EPHA6: variants seen among roughly 807,000 people sequenced by gnomAD.
EPHA6 encodes EPH receptor A6.
A neutral mutation model predicts 112.0 loss-of-function variants in EPHA6; 50 were observed. The observed-to-expected ratio is 0.45, with a 90% CI of 0.36 to 0.56. The LOEUF (loss-of-function observed/expected upper bound fraction) is 0.56. EPHA6 is among the 20% of genes least tolerant of loss of function. The probability of loss-of-function intolerance (pLI) is 0.00; values close to 1 mark genes in which losing one functional copy is unlikely to be tolerated. For missense variants in EPHA6, 1,280 were observed against 1,417.4 expected (o/e 0.90, Z 1.56); for synonymous variants, 529 against 490.7 (o/e 1.08, Z -1.03).
At chr3:97,624,968 T>C (rs2093843622) in intron 13 of EPHA6, among the ~76,000 whole-genome samples, 1 of 151,604 alleles carries the variant, frequency 6.6e-6, no homozygotes, top group Admixed American at 6.6e-5. Flanking sequence ...TAAAAGTTTG[T>C]TGATTTTGTT....
chr3:97,500,820 A>G (rs1316135332), intron 10 of EPHA6, among the ~76,000 whole-genome samples: 1 of 152,184 alleles, frequency 6.6e-6, no homozygotes, highest in Admixed American at 6.5e-5. Flanking sequence ...AATCAGTTCA[A>G]TAAGGAGTAT....
chr3:97,179,880 G>T (rs943674569), intron 3 of EPHA6, among the ~76,000 whole-genome samples: 2 of 151,952 alleles, frequency 1.3e-5, no homozygotes, highest in Non-Finnish European at 2.9e-5. Context: ...AAGGCGTGCT[G>T]TAACCACTCC....
chr3:97,549,097 G>T (rs1211477192), intron 11 of EPHA6, among the ~76,000 whole-genome samples: 1 of 152,160 alleles, frequency 6.6e-6, no homozygotes, highest in Non-Finnish European at 1.5e-5. Flanking sequence ...AAATGACTAT[G>T]TTACTGGTTT....
intron 3 of EPHA6, among the ~76,000 whole-genome samples, chr3:97,005,456 A>C (rs2043841704): frequency 1.3e-5 from 2 of 152,178 alleles, no homozygotes; most frequent in Non-Finnish European, 2.9e-5. Context: ...TGAGTTTTGC[A>C]CATTGATTTT....
chr3:97,577,607 A>T (rs1467402062), intron 11 of EPHA6, among the ~76,000 whole-genome samples: 8 of 152,182 alleles, frequency 5.3e-5, no homozygotes, highest in Admixed American at 5.2e-4. Context: ...GTGACTCTCC[A>T]GGACTCATTA....
chr3:97,585,223 G>C (rs936828486), intron 11 of EPHA6, among the ~76,000 whole-genome samples: 10 of 152,146 alleles, frequency 6.6e-5, no homozygotes, highest in Non-Finnish European at 2.9e-5. Flanking sequence ...TCCACGTTCA[G>C]CATTTTGCAG....
At chr3:96,947,732 C>G (rs1328141829) in intron 2 of EPHA6, among the ~76,000 whole-genome samples, 1 of 152,092 alleles carries the variant, frequency 6.6e-6, no homozygotes, top group Non-Finnish European at 1.5e-5. Flanking sequence ...CAAACCACTG[C>G]TCAATGAAAT....
chr3:97,509,527 G>A (rs2092326000), intron 10 of EPHA6, among the ~76,000 whole-genome samples: 5 of 152,114 alleles, frequency 3.3e-5, no homozygotes, highest in Admixed American at 3.3e-4. Flanking sequence ...ATGCTCTTCT[G>A]GCTTGTAGGG....
At chr3:97,284,551 T>G (rs975533098) in intron 5 of EPHA6, among the ~76,000 whole-genome samples, 1 of 152,210 alleles carries the variant, frequency 6.6e-6, no homozygotes, top group Non-Finnish European at 1.5e-5. Flanking sequence ...ACTCCTCTAC[T>G]GAACTGGCTT....
chr3:97,484,127 A>G (rs1053259260), intron 10 of EPHA6, 68 bp downstream of exon 10: 2 of 1,449,284 alleles, frequency 1.4e-6, no homozygotes, highest in South Asian at 1.5e-5. Context: ...TTATCAACAT[A>G]CTATCTTAAA....
At chr3:97,170,723 C>G (rs556394125) in intron 3 of EPHA6, among the ~76,000 whole-genome samples, 1 of 150,024 alleles carries the variant, frequency 6.7e-6, no homozygotes, top group Non-Finnish European at 1.5e-5. Context: ...GGCGACAGAG[C>G]GAGCCGATGT....
chr3:96,882,766 G>GTA (rs755067801), intron 2 of EPHA6, among the ~76,000 whole-genome samples: 2,631 of 127,534 alleles, frequency 0.021, 101 homozygotes, highest in East Asian at 0.066. Flanking sequence ...GTGTGTGTGT[G>GTA]TGTATAGTCA....
At chr3:97,294,913 C>T (rs2080820843) in intron 5 of EPHA6, among the ~76,000 whole-genome samples, 1 of 152,148 alleles carries the variant, frequency 6.6e-6, no homozygotes, top group South Asian at 2.1e-4. Context: ...TCCATTCTCA[C>T]ATAGCCTATA....
At chr3:97,380,747 A>G (rs1006024979) in intron 5 of EPHA6, among the ~76,000 whole-genome samples, 1 of 152,178 alleles carries the variant, frequency 6.6e-6, no homozygotes, top group Non-Finnish European at 1.5e-5. Context: ...ATTACAGTTG[A>G]TTTATGTAGC....
chr3:97,265,109 C>T (rs775622302), intron 5 of EPHA6, among the ~76,000 whole-genome samples: 15 of 152,094 alleles, frequency 9.9e-5, no homozygotes, highest in Non-Finnish European at 1.6e-4. Context: ...TCTGGCTAAC[C>T]CTGGGGCTTT....
intron 2 of EPHA6, among the ~76,000 whole-genome samples, chr3:96,892,954 A>ATATATG (rs1420399065): frequency 1.5e-5 from 2 of 132,326 alleles, no homozygotes; most frequent in African/African-American, 5.4e-5. Flanking sequence ...ATATATATAT[A>ATATATG]TGTGTGTGTG....
intron 2 of EPHA6, among the ~76,000 whole-genome samples, chr3:96,941,982 C>G (rs2040978271): frequency 6.6e-6 from 1 of 152,186 alleles, no homozygotes; most frequent in African/African-American, 2.4e-5. Context: ...GAAGTTTTGT[C>G]TCAGAGGAGT....
chr3:97,326,284 C>T (rs1363792015), intron 5 of EPHA6, among the ~76,000 whole-genome samples: 1 of 151,754 alleles, frequency 6.6e-6, no homozygotes. Context: ...TACAGATAGA[C>T]AACAGCAGCT....
intron 8 of EPHA6, among the ~76,000 whole-genome samples, chr3:97,476,836 GTTTAC>G (rs1416213872): frequency 6.6e-6 from 1 of 151,934 alleles, no homozygotes; most frequent in East Asian, 1.9e-4. Context: ...TTACAACTAT[GTTTAC>G]TTAAGTTTTT....
Sources: allele counts gnomAD v4.1 joint callset (sites outside exome capture counted in the v4.1 genomes callset), GRCh38; gene constraint gnomAD v4.1.1; transcripts MANE v1.5; gene names NCBI Gene and HGNC (gene_info 2026-07-23, HGNC 2026-07-21).